Variants in MX1 observed in about 807,000 individuals in gnomAD.
The protein encoded by MX1 is MX dynamin like GTPase 1.
MX1 carries 66 observed loss-of-function variants against 66.4 expected under a neutral mutation model. That is an observed-to-expected ratio of 0.99 (90% CI 0.82 to 1.22). The LOEUF is 1.22. Among genes scored for constraint, MX1 ranks in the 50% most tolerant of loss-of-function variants. The pLI, the probability that MX1 is intolerant of heterozygous loss-of-function variation, is 0.00. For missense variants in MX1, 787 were observed against 834.3 expected, an observed-to-expected ratio of 0.94 and a Z score of 0.70; for synonymous variants, 311 against 318.1, an observed-to-expected ratio of 0.98 and a Z score of 0.24.
intron 3 of MX1, chr21:41,429,631 A>G (rs112417659): frequency 5.9e-5 from 9 of 152,280 alleles, no homozygotes; most frequent in African/African-American, 2.2e-4. Context: ...ACCGTTTACA[A>G]TGGATTACCT....
chr21:41,445,350 G>T, intron 11 of MX1, 98 bp from the exon 12 acceptor site: 1 of 1,418,244 alleles, frequency 7.1e-7, no homozygotes, highest in South Asian at 1.3e-5. Context: ...GAAGTCAAAT[G>T]GCCCACACAA....
intron 16 of MX1, among the ~76,000 whole-genome samples, chr21:41,454,682 G>A (rs551295446): frequency 1.3e-5 from 2 of 152,282 alleles, no homozygotes; most frequent in South Asian, 2.1e-4. Context: ...TAGGGAAGGA[G>A]GCAGTGAACA....
At chr21:41,440,316 T>C (rs1453417633) in intron 8 of MX1, among the ~76,000 whole-genome samples, 1 of 151,986 alleles carries the variant, frequency 6.6e-6, no homozygotes, top group Non-Finnish European at 1.5e-5. Flanking sequence ...CTGAGCAACA[T>C]AGTGAGACCC....
At chr21:41,438,296 G>A (rs963618379) in intron 7 of MX1, among the ~76,000 whole-genome samples, 1 of 152,276 alleles carries the variant, frequency 6.6e-6, no homozygotes, top group African/African-American at 2.4e-5. Flanking sequence ...CAAAATAACT[G>A]TGTGCCTTAG....
At chr21:41,434,795 A>G (rs1303116904) in intron 5 of MX1, among the ~76,000 whole-genome samples, 1 of 152,220 alleles carries the variant, frequency 6.6e-6, no homozygotes, top group Non-Finnish European at 1.5e-5. Flanking sequence ...TTGATGTTCA[A>G]ACATTCAATT....
chr21:41,448,632 C>T (rs1481403719), intron 13 of MX1, among the ~76,000 whole-genome samples: 2 of 152,008 alleles, frequency 1.3e-5, no homozygotes, highest in African/African-American at 2.4e-5. Flanking sequence ...GGTGAAACCC[C>T]GTCTCTACTA....
At position 41,449,282 on chromosome 21, in the gene MX1, A is replaced by G; in HGVS notation, c.1419A>G (p.Leu473=). ...KALEEPAVDM[L]HTVTDMVRLA... Reference sequence around the variant, plus strand: ...TGGAAGAGCCGGCTGTGGATATGCTACACACCGTGACGGGTGAGTGCTCAG... The same window carrying G: ...TGGAAGAGCCGGCTGTGGATATGCTGCACACCGTGACGGGTGAGTGCTCAG... The change falls in exon 14 of 17, where the codon CTA becomes CTG. Residue 473 remains leucine, a synonymous_variant. Coordinates refer to ENST00000398598, the MANE Select transcript of MX1 (RefSeq NM_002462.5). 1.9e-6 allele frequency: 3 copies of G among 1,611,860 alleles called. No homozygotes were observed. Among genetic ancestry groups the G allele is most frequent in the Non-Finnish European group, 2.5e-6 (3 of 1,179,368 alleles).
intron 6 of MX1, 25 bp from the exon 7 acceptor site, chr21:41,436,990 C>T (rs2090382010): frequency 3.1e-6 from 5 of 1,612,838 alleles, no homozygotes; most frequent in Non-Finnish European, 4.2e-6. Context: ...CAAAGTGGAG[C>T]ACTGATGTGG....
At chr21:41,443,954 A>T in intron 11 of MX1, 88 bp downstream of exon 11, 2 of 1,206,488 alleles carry the variant, frequency 1.7e-6, no homozygotes, top group Non-Finnish European at 2.4e-6. Context: ...ATCACTGTAC[A>T]CACAGATCTT....
chr21:41,431,765 G>T (rs562353138), intron 4 of MX1: 13 of 301,004 alleles, frequency 4.3e-5, no homozygotes, highest in Middle Eastern at 1.2e-3. Flanking sequence ...TGAGCCCCGG[G>T]GCCCGGCCTG....
intron 10 of MX1, among the ~76,000 whole-genome samples, chr21:41,442,502 C>T (rs2090548663): frequency 6.6e-6 from 1 of 152,130 alleles, no homozygotes; most frequent in South Asian, 2.1e-4. Flanking sequence ...TTTTCTATCC[C>T]TCCTACCAAA....
rs935176656 is a variant in MX1 at position 41,441,486 on chromosome 21, T to C, written c.731-230T>C. The C allele has an allele frequency of 5.2e-6, 3 of 578,708 alleles. No individual in the cohort carries two copies. Among genetic ancestry groups the C allele is most frequent in the Non-Finnish European group, 3.1e-6 (1 of 323,528 alleles). The allele number at this position is 578,708 out of a possible 1,614,324, so 35.8% of individuals were successfully genotyped here. ...CTACAGTGGACCCGGGTGAAGGAGC[T>C]TGGGGAGAGCCACATGCTGTTCTGG... On this transcript the variant is annotated intron_variant, in intron 9 of 16. Transcript: ENST00000398598. The surrounding 1 kb of genome is among the most constrained non-coding windows in gnomAD (Gnocchi z 4.0).
intron 5 of MX1, among the ~76,000 whole-genome samples, chr21:41,433,546 C>A (rs2090280925): frequency 6.6e-6 from 1 of 152,172 alleles, no homozygotes; most frequent in Non-Finnish European, 1.5e-5. Flanking sequence ...ACCAAAGAAT[C>A]AAGTTACAGG....
At chr21:41,427,382 T>C (rs1421042454) in intron 2 of MX1, 78 bp downstream of exon 2, 1 of 152,192 alleles carries the variant, frequency 6.6e-6, no homozygotes, top group Non-Finnish European at 1.5e-5. Flanking sequence ...CCAGCAGGGT[T>C]TGGGGGGAAA....
At chr21:41,448,082 A>G (rs467477) in intron 13 of MX1, among the ~76,000 whole-genome samples, 128,262 of 152,204 alleles carry the variant, frequency 0.84, 55,854 homozygotes, top group Non-Finnish European at 0.97. Flanking sequence ...TGACATCTCA[A>G]TTAGAAAAAT....
At position 41,446,124 on chromosome 21, in the gene MX1, A is replaced by C. The variant is rs987877316; in HGVS notation, c.1256A>C (p.Glu419Ala). ...HEFHKWSTII[E>A]NNFQEGHKIL... Reference sequence around the variant, plus strand: ...TTCCACAAATGGAGTACAATAATTGAAAACAATTTTCAAGAAGGTGAGTGT... The same window carrying C: ...TTCCACAAATGGAGTACAATAATTGCAAACAATTTTCAAGAAGGTGAGTGT... The change falls in exon 13 of 17, where the codon GAA becomes GCA. Residue 419 changes from glutamate (E) to alanine (A), a missense_variant. Glu to Ala is a moderately radical substitution (Grantham distance 107). Transcript: ENST00000398598. The C allele has an allele frequency of 1.2e-6, 2 of 1,613,926 alleles. No homozygotes were observed. The highest frequency in any genetic ancestry group is 8.5e-7 in the Non-Finnish European group (1 of 1,179,958).
intron 7 of MX1, 39 bp downstream of exon 7, chr21:41,437,191 G>C (rs1207852321): frequency 6.2e-7 from 1 of 1,611,410 alleles, no homozygotes; most frequent in Admixed American, 1.7e-5. Flanking sequence ...CAAGCCTTCT[G>C]ACATGCATGG....
intron 6 of MX1, among the ~76,000 whole-genome samples, chr21:41,436,231 C>A (rs2090358444): frequency 6.6e-6 from 1 of 152,244 alleles, no homozygotes; most frequent in Non-Finnish European, 1.5e-5. Flanking sequence ...GCCTTCCTTC[C>A]ACACACAAGC....
In MX1 at chr21:41,432,581, A is replaced by G. The variant is rs540752310; in HGVS notation, c.105+406A>G. On this transcript the variant is annotated intron_variant, in intron 5 of 16. Transcript: ENST00000398598. ...CCACGTGGTGAATTTTTTGCCCAGA[A>G]TCAAGACATATTTTTGGTGGGAACC... Among the ~76,000 whole-genome samples, 3 of 152,308 alleles carry G rather than the reference A, an allele frequency of 2.0e-5. No homozygotes were observed. The South Asian group carries it at 6.2e-4, about 32-fold the overall frequency.
Sources: allele counts gnomAD v4.1 joint callset (sites outside exome capture counted in the v4.1 genomes callset), GRCh38; gene constraint gnomAD v4.1.1; non-coding constraint Gnocchi (gnomAD v3.1); transcripts MANE v1.5; gene names NCBI Gene and HGNC (gene_info 2026-07-23, HGNC 2026-07-21).